The following PSG6 variants were observed in gnomAD, a reference collection of about 807,000 sequenced individuals.
The protein encoded by PSG6 is pregnancy-specific beta-1-glycoprotein 6.
Under a neutral mutation model 43.3 loss-of-function variants are expected in PSG6, and 51 were observed. That is an observed-to-expected ratio of 1.18 (90% CI 0.94 to 1.49). The LOEUF is 1.49. Among genes scored for constraint, PSG6 ranks in the 40% most tolerant of loss-of-function variants. The pLI is 0.00. For synonymous variants in PSG6, 292 were observed against 197.6 expected, an observed-to-expected ratio of 1.48 and a Z score of -4.01; for missense variants, 770 against 522.2, an observed-to-expected ratio of 1.47 and a Z score of -4.62.
At chr19:42,910,917 A>G in intron 2 of PSG6, 59 bp from the exon 3 acceptor site, 6 of 1,542,668 alleles carry the variant, frequency 3.9e-6, no homozygotes, top group Non-Finnish European at 5.2e-6. Context: ...CTCCAAAGGC[A>G]TTTTTCAATC....
Position 42,915,785 on chromosome 19 carries a change from T to A in PSG6, c.427+340A>T, listed in dbSNP as rs540456989. 12 of 449,328 alleles carry A rather than the reference T, an allele frequency of 2.7e-5. No homozygotes were observed. In the East Asian group the frequency reaches 4.0e-4, roughly 15 times the overall value. The allele number at this position is 449,328 out of a possible 1,614,324, so 27.8% of individuals were successfully genotyped here. A position where few individuals can be genotyped will look rare whatever the true frequency, so the allele number is the denominator to read the frequency against. Reference sequence around the variant, plus strand: ...CTCTGAGGGTATCTCAGTGGGCCCCTCAGGCCAAGCCCTACTCAGTTTTCC... The same window carrying A: ...CTCTGAGGGTATCTCAGTGGGCCCCACAGGCCAAGCCCTACTCAGTTTTCC... On this transcript the variant is annotated intron_variant, in intron 2 of 5. Coordinates refer to ENST00000187910, the MANE Select transcript of PSG6 (RefSeq NM_001031850.4).
At chr19:42,908,434 C>A (rs1027945673) in intron 3 of PSG6, among the ~76,000 whole-genome samples, 4 of 151,664 alleles carry the variant, frequency 2.6e-5, no homozygotes, top group African/African-American at 9.7e-5. Flanking sequence ...CTAGAGGCAC[C>A]AGGTGGGGCA....
intron 2 of PSG6, among the ~76,000 whole-genome samples, chr19:42,912,648 A>T (rs1190453156): frequency 1.4e-4 from 22 of 151,970 alleles, no homozygotes; most frequent in African/African-American, 5.3e-4. Flanking sequence ...AGAGTTACAA[A>T]ACATGGGGAG....
rs1458599633 is a variant in PSG6 at position 42,909,529 on chromosome 19, T to C, written c.706+1051A>G. Among the ~76,000 whole-genome samples, 5 of 151,800 alleles carry C rather than the reference T, an allele frequency of 3.3e-5. 1 individual carries two copies. The highest frequency in any genetic ancestry group is 1.2e-4 in the African/African-American group (5 of 41,418). ...AGTATTGCCTTTCTAACAATATTGC[T>C]TCTTCCAATCCATGAAAATGAAATG... On this transcript the variant is annotated intron_variant, in intron 3 of 5. Transcript: ENST00000187910.
chr19:42,916,779 C>A (rs535921451), intron 1 of PSG6, among the ~76,000 whole-genome samples: 33 of 151,176 alleles, frequency 2.2e-4, no homozygotes, highest in Non-Finnish European at 4.1e-4. Context: ...ACGGCCCCCT[C>A]CACACTGCCC....
Position 42,910,858 on chromosome 19 carries a change from G to A in PSG6, c.428C>T (p.Ser143Leu), listed in dbSNP as rs186311462. 1.5e-4 allele frequency: 234 copies of A among 1,605,334 alleles called. 6 individuals carry two copies. The highest frequency in any genetic ancestry group is 7.2e-4 in the South Asian group (64 of 89,268). Residue 143 changes from serine to leucine, a missense_variant and splice_region_variant, in exon 3 of 6, where the codon TCG (serine) becomes TTG (leucine). By Grantham distance (145) the Ser-to-Leu change is moderately radical (BLOSUM62 -2). Coordinates refer to ENST00000187910, the MANE Select transcript of PSG6 (RefSeq NM_001031850.4). ...VTGYFTVTLY[S>L]ETPKPSISSS... is the part of the protein sequence containing the mutation. ...GGAGATGGAGGGCTTGGGAGTCTCC[G>A]CTGTGCAGAAAACAGAGAGAAGATT...
In PSG6 at chr19:42,910,834, G is replaced by T. The variant is rs1600545302; in HGVS notation, c.452C>A (p.Ser151Tyr). Reference sequence around the variant, plus strand: ...CTCCCTGGGGTTTAAGTTGCTGCTGGAGATGGAGGGCTTGGGAGTCTCCGC... The same window carrying T: ...CTCCCTGGGGTTTAAGTTGCTGCTGTAGATGGAGGGCTTGGGAGTCTCCGC... ...LYSETPKPSISSSNLNPREVM... is the reference protein window; with the variant it reads ...LYSETPKPSIYSSNLNPREVM... The change falls in exon 3 of 6, where the codon TCC (serine) becomes TAC (tyrosine). Residue 151 changes from serine (S) to tyrosine (Y), a missense_variant. Transcript: ENST00000187910. The T allele has an allele frequency of 6.2e-7, 1 of 1,611,430 alleles. No homozygotes were observed. Among genetic ancestry groups the T allele is most frequent in the South Asian group, 1.1e-5 (1 of 90,438 alleles).
intron 1 of PSG6, 81 bp from the exon 2 acceptor site, chr19:42,916,568 T>A: frequency 6.6e-7 from 1 of 1,509,792 alleles, no homozygotes; most frequent in Non-Finnish European, 8.9e-7. Flanking sequence ...CCTGAGAAGG[T>A]CTCTTCAATC....
Position 42,916,472 on chromosome 19 carries a change from A to G in PSG6, c.80T>C (p.Phe27Ser). 6.2e-7 allele frequency: 1 copy of G among 1,610,600 alleles called. No homozygotes were observed. Among genetic ancestry groups the G allele is most frequent in the Non-Finnish European group, 8.5e-7 (1 of 1,178,376 alleles). ...TTGGGCAGTGGTGGGCAGGTTCCAG[A>G]AGTTTAAAAGTGATGCTAGGAGGTA... ...GLLLTASLLN[F>S]WNLPTTAQVI... The change falls in exon 2 of 6, where the codon TTC becomes TCC. Residue 27 changes from phenylalanine to serine, a missense_variant. By Grantham distance (155) the Phe-to-Ser change is radical (BLOSUM62 -2). Transcript: ENST00000187910.
intron 3 of PSG6, chr19:42,909,791 C>T (rs144315039): frequency 2.6e-5 from 4 of 151,836 alleles, no homozygotes; most frequent in Admixed American, 2.0e-4. Context: ...GGTTTTGGAG[C>T]AGAAACATAT....
chr19:42,915,901 C>T (rs10421367), intron 2 of PSG6: 108,612 of 571,330 alleles, frequency 0.19, 16,868 homozygotes, highest in African/African-American at 0.45. Flanking sequence ...ATCAGACTGT[C>T]CTTCCTCTGC....
chr19:42,908,883 G>T (rs985273744), intron 3 of PSG6, among the ~76,000 whole-genome samples: 3 of 151,718 alleles, frequency 2.0e-5, no homozygotes, highest in East Asian at 1.9e-4. Context: ...GAGGCTGCTG[G>T]AAGCCAGGAG....
rs775875914 is a variant in PSG6, at chr19:42,916,555, T to G, written c.65-68A>C. 87 of 1,537,628 alleles carry G rather than the reference T, an allele frequency of 5.7e-5. 1 individual carries two copies. The highest frequency in any genetic ancestry group is 1.4e-4 in the Admixed American group (7 of 51,586). ...ATTGGGGTGAAAAGATGGGGCCCTG[T>G]GTCCTGAGAAGGTCTCTTCAATCAT... On this transcript the variant is annotated intron_variant, in intron 1 of 5. Coordinates refer to ENST00000187910, the MANE Select transcript of PSG6 (RefSeq NM_001031850.4).
chr19:42,914,470 A>C (rs1972285054), intron 2 of PSG6, among the ~76,000 whole-genome samples: 1 of 144,638 alleles, frequency 6.9e-6, no homozygotes, highest in Non-Finnish European at 1.5e-5. Context: ...GGCAGTGAGC[A>C]GTGAGGGAGA....
At chr19:42,909,198 T>G (rs1030291643) in intron 3 of PSG6, among the ~76,000 whole-genome samples, 1 of 151,658 alleles carries the variant, frequency 6.6e-6, no homozygotes, top group African/African-American at 2.4e-5. Flanking sequence ...GCCAGATATA[T>G]TCTTGCCCTT....
chr19:42,906,651 G>A (rs10420037), intron 5 of PSG6: 3 of 1,398,674 alleles, frequency 2.1e-6, no homozygotes, highest in Non-Finnish European at 2.8e-6. Flanking sequence ...TTGTCCCTCT[G>A]TGAAGCCTCT....
chr19:42,903,060 A>T (rs1972059958), intron 5 of PSG6, among the ~76,000 whole-genome samples: 1 of 151,622 alleles, frequency 6.6e-6, no homozygotes, highest in African/African-American at 2.4e-5. Context: ...ACAGAAGCTT[A>T]GCATGGTGTA....
Position 42,916,394 on chromosome 19 carries a change from A to G in PSG6, c.158T>C (p.Leu53Pro). 1 of 1,612,174 alleles carries G rather than the reference A, an allele frequency of 6.2e-7. No individual in the cohort carries two copies. The highest frequency in any genetic ancestry group is 8.5e-7 in the Non-Finnish European group (1 of 1,179,152). ...ATTCTGGGGCAAATTGTGGACAAGT[A>G]GAAGAACATCCTTCCCCTCGGAAAC... The part of the protein sequence containing the change: ...PKVSEGKDVL[L>P]LVHNLPQNLT... The change falls in exon 2 of 6, where the codon CTA becomes CCA. Residue 53 changes from leucine (L) to proline (P), a missense_variant. Leu to Pro is a moderately conservative substitution (Grantham distance 98). Coordinates refer to ENST00000187910, the MANE Select transcript of PSG6 (RefSeq NM_001031850.4).
At chr19:42,908,059 C>G (rs893783282) in intron 3 of PSG6, 3 of 888,398 alleles carry the variant, frequency 3.4e-6, no homozygotes. Context: ...GAAGCACAGA[C>G]TTTCTCAAGT....
Sources: allele counts gnomAD v4.1 joint callset (sites outside exome capture counted in the v4.1 genomes callset), GRCh38; gene constraint gnomAD v4.1.1; transcripts MANE v1.5; gene names NCBI Gene and HGNC (gene_info 2026-07-23, HGNC 2026-07-21).